MYBPC3: variants seen among roughly 807,000 people sequenced by gnomAD.
The protein encoded by MYBPC3 is myosin binding protein C3.
In MYBPC3, 108 loss-of-function variants were observed where a neutral mutation model predicts 159.3. The ratio of observed to expected loss-of-function variants is 0.68; its 90% CI spans 0.58 to 0.80. The LOEUF is 0.80. MYBPC3 is among the 30% of genes least tolerant of loss of function. The pLI is 0.00. For synonymous variants in MYBPC3, 730 were observed against 702.0 expected, an observed-to-expected ratio of 1.04 and a Z score of -0.63; for missense variants, 1,631 against 1,762.1, an observed-to-expected ratio of 0.93 and a Z score of 1.33.
At chr11:47,352,577 A>C (rs1565632325) in intron 1 of MYBPC3, 46 bp downstream of exon 1, 2 of 1,592,820 alleles carry the variant, frequency 1.3e-6, no homozygotes, top group Non-Finnish European at 1.7e-6. Context: ...AATTGTAGAC[A>C]CCCCCCTGCT....
intron 13 of MYBPC3, 75 bp downstream of exon 13, chr11:47,343,417 G>C (rs746603495): frequency 1.1e-5 from 16 of 1,513,420 alleles, no homozygotes; most frequent in Admixed American, 2.0e-5. Flanking sequence ...AGATACGCAT[G>C]TGGAGAGGGG....
Position 47,349,890 on chromosome 11 carries a change from C to G in MYBPC3, c.538G>C (p.Gly180Arg). The change falls in exon 5 of 35, where the codon GGC becomes CGC. Residue 180 changes from glycine (G) to arginine (R), a missense_variant. Coordinates refer to ENST00000545968, the MANE Select transcript of MYBPC3 (RefSeq NM_000256.3). ...ACAGGCGGCTTCAGGAGGCTGGCGC[C>G]GGCCACGCGGGCTGAGAAGGTGATG... ...GSITFSARVA[G>R]ASLLKPPVVK... 1 of 1,610,144 alleles carries G rather than the reference C, an allele frequency of 6.2e-7. No individual in the cohort carries two copies. Among genetic ancestry groups the G allele is most frequent in the Non-Finnish European group, 8.5e-7 (1 of 1,178,516 alleles).
chr11:47,341,065 G>A (rs1311010407), intron 19 of MYBPC3, 33 bp from the exon 20 acceptor site: 2 of 1,572,054 alleles, frequency 1.3e-6, no homozygotes, highest in Non-Finnish European at 1.7e-6. Context: ...TAGCACGGGG[G>A]CAAAGGCAGG....
intron 20 of MYBPC3, among the ~76,000 whole-genome samples, chr11:47,340,262 CACACACAG>C (rs2095887143): frequency 6.6e-6 from 1 of 151,928 alleles, no homozygotes; most frequent in African/African-American, 2.4e-5. Context: ...TATATACATA[CACACACAG>C]ACACATGCAC....
In MYBPC3 at chr11:47,350,080, G is replaced by A. The variant is rs1204042102; in HGVS notation, c.439C>T (p.Pro147Ser). ...SSSAALNGPT[P>S]GAPDDPIGLF... ...CCAATGGGGTCATCGGGGGCTCCAG[G>A]GGTAGGACCATTGAGAGCTGCTGAG... The change falls in exon 4 of 35, where the codon CCT becomes TCT. Residue 147 changes from proline to serine, a missense_variant. Coordinates refer to ENST00000545968, the MANE Select transcript of MYBPC3 (RefSeq NM_000256.3). 4 of 1,560,676 alleles carry A rather than the reference G, an allele frequency of 2.6e-6. No homozygotes were observed. In the Admixed American group the frequency reaches 5.7e-5, roughly 22 times the overall value.
Position 47,335,082 on chromosome 11 carries a change from A to G in MYBPC3, c.2865T>C (p.Pro955=). 1 of 1,596,816 alleles carries G rather than the reference A, an allele frequency of 6.3e-7. No homozygotes were observed. The highest frequency in any genetic ancestry group is 8.5e-7 in the Non-Finnish European group (1 of 1,170,772). The change falls in exon 27 of 35, where the codon CCT becomes CCC. Residue 955 remains proline (P), a synonymous_variant. Coordinates refer to ENST00000545968, the MANE Select transcript of MYBPC3 (RefSeq NM_000256.3). The part of the protein sequence containing the change: ...RAHNMAGPGA[P]VTTTEPVTVQ... ...CTGTCACCGGCTCCGTGGTGGTAACAGGGGCTCCAGGCCCTGCCATATTGT... is the reference window on the plus strand; with the variant it reads ...CTGTCACCGGCTCCGTGGTGGTAACGGGGGCTCCAGGCCCTGCCATATTGT...
At chr11:47,350,416 G>A (rs549059402) in intron 3 of MYBPC3, 86 bp downstream of exon 3, 138 of 1,518,028 alleles carry the variant, frequency 9.1e-5, no homozygotes, top group South Asian at 7.0e-4. Flanking sequence ...CTGAGCCACC[G>A]CACCTGGCCC....
chr11:47,339,347 C>T lies in MYBPC3; in HGVS notation c.2125G>A (p.Asp709Asn), dbSNP rs886039029. The T allele has an allele frequency of 1.4e-5, 23 of 1,613,916 alleles. No individual in the cohort carries two copies. Among genetic ancestry groups the T allele is most frequent in the South Asian group, 3.3e-5 (3 of 91,092 alleles). The change falls in exon 22 of 35, where the codon GAT becomes AAT. Residue 709 changes from aspartate (D) to asparagine (N), a missense_variant. Transcript: ENST00000545968. ...PDAPEDTGDS[D>N]EWVFDKKLLC... ...ACCTTCTTGTCAAACACCCACTCAT[C>T]GCTGTCACCTGTGTCCTCTGGGGCA... is the stretch of plus-strand genomic sequence containing the variant.
Position 47,351,513 on chromosome 11 carries a change from G to T in MYBPC3, c.26-8C>A. 6.3e-7 allele frequency: 1 copy of T among 1,575,590 alleles called. No homozygotes were observed. The highest frequency in any genetic ancestry group is 8.7e-7 in the Non-Finnish European group (1 of 1,155,580). On this transcript the variant is annotated splice_region_variant and splice_polypyrimidine_tract_variant and intron_variant, in intron 1 of 34. Coordinates refer to ENST00000545968, the MANE Select transcript of MYBPC3 (RefSeq NM_000256.3). The surrounding 1 kb of genome is among the most constrained non-coding windows in gnomAD (Gnocchi z 4.2). The stretch of plus-strand genomic sequence containing the variant: ...TCTTGCTAAAAGCTGAGACTGAAGG[G>T]CCAGGTGGAGGCTACAGCGGCCCCT...
In MYBPC3 at chr11:47,342,163, G is replaced by A; in HGVS notation, c.1625-7C>T. 1 of 1,613,732 alleles carries A rather than the reference G, an allele frequency of 6.2e-7. No homozygotes were observed. Among genetic ancestry groups the A allele is most frequent in the Middle Eastern group, 1.7e-4 (1 of 6,060 alleles). ...TACACCTCCAGCTTCTTTTCTGCAG[G>A]GCAGGGCAGAGCCATTGAGCTCGGG... On this transcript the variant is annotated splice_region_variant and splice_polypyrimidine_tract_variant and intron_variant, in intron 17 of 34. Coordinates refer to ENST00000545968, the MANE Select transcript of MYBPC3 (RefSeq NM_000256.3).
chr11:47,347,596 T>C, intron 8 of MYBPC3, 55 bp downstream of exon 8: 2 of 1,562,212 alleles, frequency 1.3e-6, no homozygotes, highest in Non-Finnish European at 1.7e-6. Flanking sequence ...CTCCCACCCG[T>C]CTCAGACCCC....
chr11:47,349,951 TTGGGGAG>T (rs2095898743), intron 4 of MYBPC3, 29 bp from the exon 5 acceptor site: 1 of 1,575,638 alleles, frequency 6.3e-7, no homozygotes, highest in Non-Finnish European at 8.6e-7. Context: ...CAGGCCCGGC[TTGGGGAG>T]TGTCCTGCTG....
intron 20 of MYBPC3, 116 bp downstream of exon 20, chr11:47,340,887 G>T: frequency 1.7e-6 from 2 of 1,211,126 alleles, no homozygotes; most frequent in Non-Finnish European, 2.2e-6. Flanking sequence ...CTGAAGCTGG[G>T]CCCCAGGACC....
At chr11:47,339,833 G>T in intron 20 of MYBPC3, 43 bp from the exon 21 acceptor site, 1 of 1,600,624 alleles carries the variant, frequency 6.2e-7, no homozygotes, top group Non-Finnish European at 8.6e-7. Flanking sequence ...GGAGAGCCAG[G>T]AGGAGCACAG....
At position 47,337,588 on chromosome 11, in the gene MYBPC3, G is replaced by A. The variant is rs1031194974; in HGVS notation, c.2414-9C>T. 6.2e-7 allele frequency: 1 copy of A among 1,613,972 alleles called. No individual in the cohort carries two copies. The highest frequency in any genetic ancestry group is 1.7e-5 in the Admixed American group (1 of 60,018). On this transcript the variant is annotated splice_polypyrimidine_tract_variant and intron_variant, in intron 24 of 34. Coordinates refer to ENST00000545968, the MANE Select transcript of MYBPC3 (RefSeq NM_000256.3). ...GCGCTCCAGGATGTAGCCTGGCTCAGGGGAGGTGGCAGCTCTGGTCTGGAA... is the reference window on the plus strand; with the variant it reads ...GCGCTCCAGGATGTAGCCTGGCTCAAGGGAGGTGGCAGCTCTGGTCTGGAA...
intron 12 of MYBPC3, among the ~76,000 whole-genome samples, chr11:47,345,056 C>G (rs1346967076): frequency 6.6e-6 from 1 of 152,220 alleles, no homozygotes; most frequent in Non-Finnish European, 1.5e-5. Context: ...TCCCAAAGTG[C>G]TGGGATTACA....
rs397516039 is a variant in MYBPC3 at position 47,332,133 on chromosome 11, A to G, written c.3753T>C (p.Tyr1251=). The part of the protein sequence containing the change: ...RKPCPFDGGI[Y]VCRATNLQGE... The stretch of plus-strand genomic sequence containing the variant: ...CCTGTAAGTTGGTGGCCCTGCAGAC[A>G]TAGATGCCCCCGTCAAAGGGGCAGG... The change falls in exon 33 of 35, where the codon TAT becomes TAC. Residue 1251 remains tyrosine (Y), a synonymous_variant. Transcript: ENST00000545968. The surrounding 1 kb of genome is among the most constrained non-coding windows in gnomAD (Gnocchi z 4.2). The G allele has an allele frequency of 3.5e-5, 56 of 1,613,696 alleles. No homozygotes were observed. The South Asian group carries it at 5.6e-4, about 16-fold the overall frequency.
intron 20 of MYBPC3, among the ~76,000 whole-genome samples, chr11:47,340,794 G>A (rs965605948): frequency 6.6e-6 from 1 of 152,182 alleles, no homozygotes; most frequent in Non-Finnish European, 1.5e-5. Flanking sequence ...CTATGAGGTG[G>A]CACTATCAGG....
At chr11:47,348,585 G>T (rs761213575) in intron 5 of MYBPC3, 44 bp from the exon 6 acceptor site, 2 of 1,491,596 alleles carry the variant, frequency 1.3e-6, no homozygotes, top group Non-Finnish European at 1.8e-6. Context: ...ACCAGGGGCC[G>T]GGAGACAAGG....
Sources: allele counts gnomAD v4.1 joint callset (sites outside exome capture counted in the v4.1 genomes callset), GRCh38; gene constraint gnomAD v4.1.1; non-coding constraint Gnocchi (gnomAD v3.1); transcripts MANE v1.5; gene names NCBI Gene and HGNC (gene_info 2026-07-23, HGNC 2026-07-21).